Variants in ZNF714 observed in about 807,000 individuals in gnomAD.
ZNF714 encodes zinc finger protein 714.
Under a neutral mutation model 46.2 loss-of-function variants are expected in ZNF714, and 32 were observed. The observed-to-expected ratio is 0.69, with a 90% CI of 0.52 to 0.93. The LOEUF is 0.93. ZNF714 is among the 40% of genes least tolerant of loss of function. The probability of loss-of-function intolerance (pLI) is 0.00; values close to 1 mark genes in which losing one functional copy is unlikely to be tolerated. For missense variants in ZNF714, 635 were observed against 646.3 expected, an observed-to-expected ratio of 0.98 and a Z score of 0.19; for synonymous variants, 199 against 213.1, an observed-to-expected ratio of 0.93 and a Z score of 0.58.
intron 2 of ZNF714, among the ~76,000 whole-genome samples, chr19:21,090,517 G>A (rs1968884782): frequency 6.6e-6 from 1 of 152,186 alleles, no homozygotes. Flanking sequence ...AGTTCTTGCT[G>A]AGATGGATTT....
chr19:21,107,787 G>A (rs1969358028), intron 4 of ZNF714, among the ~76,000 whole-genome samples: 1 of 152,120 alleles, frequency 6.6e-6, no homozygotes, highest in Non-Finnish European at 1.5e-5. Context: ...CTTCCTAAAT[G>A]CTAGTATTGG....
chr19:21,103,737 A>T (rs1969242747), intron 4 of ZNF714, among the ~76,000 whole-genome samples: 1 of 151,944 alleles, frequency 6.6e-6, no homozygotes. Context: ...CTCTACAAAA[A>T]TTTTTTAAAA....
intron 4 of ZNF714, among the ~76,000 whole-genome samples, chr19:21,112,884 G>A (rs565923693): frequency 8.5e-5 from 11 of 130,064 alleles, no homozygotes; most frequent in East Asian, 2.4e-4. Flanking sequence ...GTGCAGTGGC[G>A]CGATCTCGGC....
chr19:21,088,791 G>T (rs1297693618), intron 2 of ZNF714, among the ~76,000 whole-genome samples: 1 of 152,166 alleles, frequency 6.6e-6, no homozygotes, highest in Non-Finnish European at 1.5e-5. Flanking sequence ...CCACGACCAG[G>T]AAAGCATGTA....
rs559381425 is a variant in ZNF714 at position 21,101,566 on chromosome 19, T to TC, written c.142+2658dup. On this transcript the variant is annotated intron_variant, in intron 4 of 4. Transcript: ENST00000456283. ...CTTTCACTGAGTACCAGAGAGGATT[T>TC]CCTCAGGTCACTGTGTGAGTTTCTA... Among the ~76,000 whole-genome samples the TC allele has an allele frequency of 1.2e-3, 179 of 152,288 alleles. 2 individuals are homozygous for TC. The highest frequency in any genetic ancestry group is 5.8e-4 in the East Asian group (3 of 5,186).
intron 1 of ZNF714, 68 bp downstream of exon 1, chr19:21,082,416 G>A (rs1968673124): frequency 7.1e-7 from 1 of 1,412,232 alleles, no homozygotes; most frequent in East Asian, 3.5e-5. Flanking sequence ...GGAAGTGGCT[G>A]TGGTGGGACT....
rs567986512 is a variant in ZNF714 at position 21,085,221 on chromosome 19, C to G, written c.-85+1152C>G. Among the ~76,000 whole-genome samples the G allele has an allele frequency of 2.0e-5, 3 of 152,128 alleles. No homozygotes were observed. In the East Asian group the frequency reaches 5.8e-4, roughly 29 times the overall value. On this transcript the variant is annotated intron_variant, in intron 2 of 4. Coordinates refer to ENST00000456283, the MANE Select transcript of ZNF714 (RefSeq NM_182515.4). ...ATGTGGTAGATAATTGGTGAGTAAACATAGATTCATGAAAACATCAGTTGC... is the reference window on the plus strand; with the variant it reads ...ATGTGGTAGATAATTGGTGAGTAAAGATAGATTCATGAAAACATCAGTTGC...
At chr19:21,098,413 T>A (rs1599537634) in intron 3 of ZNF714, 102 bp downstream of exon 3, 1 of 1,385,428 alleles carries the variant, frequency 7.2e-7, no homozygotes, top group Non-Finnish European at 9.9e-7. Flanking sequence ...TATAAATGAG[T>A]TTCTGATCCC....
intron 4 of ZNF714, among the ~76,000 whole-genome samples, chr19:21,109,071 A>G (rs971560797): frequency 4.7e-5 from 7 of 148,080 alleles, no homozygotes; most frequent in East Asian, 4.0e-4. Flanking sequence ...ACCTCATCCA[A>G]TTGTGGTTAC....
chr19:21,102,279 C>T (rs1969199711), intron 4 of ZNF714, among the ~76,000 whole-genome samples: 1 of 152,122 alleles, frequency 6.6e-6, no homozygotes, highest in African/African-American at 2.4e-5. Context: ...GGACAATATG[C>T]TAGAATTTAC....
intron 2 of ZNF714, among the ~76,000 whole-genome samples, chr19:21,097,962 A>G (rs1165217559): frequency 1.3e-5 from 2 of 152,226 alleles, no homozygotes; most frequent in Admixed American, 1.3e-4. Context: ...ATCATCCAGA[A>G]AAGTATTATA....
chr19:21,107,685 T>C (rs1969356057), intron 4 of ZNF714, among the ~76,000 whole-genome samples: 1 of 152,200 alleles, frequency 6.6e-6, no homozygotes, highest in African/African-American at 2.4e-5. Context: ...GAGTGTCTTT[T>C]ATTTTTATTT....
intron 4 of ZNF714, 49 bp downstream of exon 4, chr19:21,098,959 T>TAA (rs34494287): frequency 0.017 from 11,569 of 677,574 alleles, 55 homozygotes; most frequent in East Asian, 0.053. Context: ...GGTACAAAGG[T>TAA]AAAAAAAAAA....
rs561528390 is a variant in ZNF714 at position 21,096,953 on chromosome 19, G to A, written c.-84-1232G>A. Among the ~76,000 whole-genome samples the A allele has an allele frequency of 4.6e-5, 7 of 152,126 alleles. No homozygotes were observed. The South Asian group carries it at 1.0e-3, about 23-fold the overall frequency. ...GCAATCTCAGCTCACTGCAAGCTCC[G>A]CCTCCTGGGTTCATGCTTTTCTCCT... On this transcript the variant is annotated intron_variant, in intron 2 of 4. Transcript: ENST00000456283.
chr19:21,084,234 G>GA (rs909314546), intron 2 of ZNF714, among the ~76,000 whole-genome samples, 165 bp downstream of exon 2: 41 of 147,256 alleles, frequency 2.8e-4, no homozygotes, highest in African/African-American at 4.2e-4. Context: ...GACCAAAAAA[G>GA]AAAAAAAAAA....
rs1233302894 is a variant in ZNF714, at chr19:21,119,031, T to TGTTC, written c.*700_*703dup. 2.6e-6 allele frequency: 1 copy of TGTTC among 384,534 alleles called. No individual in the cohort carries two copies. The highest frequency in any genetic ancestry group is 5.0e-6 in the Non-Finnish European group (1 of 198,056). 23.8% of individuals were successfully genotyped at this position (384,534 alleles called of 1,614,324 possible). On this transcript the variant is annotated 3_prime_UTR_variant, in exon 5 of 5. Transcript: ENST00000456283. The stretch of plus-strand genomic sequence containing the variant: ...AAAGACTGAAAAAGCCATTAATATA[T>TGTTC]GTTCATATCTCAACACCAGATAGTT...
At chr19:21,089,759 A>C (rs1205270178) in intron 2 of ZNF714, among the ~76,000 whole-genome samples, 4 of 151,734 alleles carry the variant, frequency 2.6e-5, no homozygotes, top group Middle Eastern at 3.2e-3. Flanking sequence ...AGTACAACAG[A>C]TTTGTTACAG....
intron 2 of ZNF714, chr19:21,091,392 T>C (rs1968905510): frequency 6.6e-6 from 1 of 152,204 alleles, no homozygotes; most frequent in African/African-American, 2.4e-5. Context: ...ATGCTGACCT[T>C]CTATCTCACC....
At chr19:21,114,447 A>AG (rs1414022487) in intron 4 of ZNF714, among the ~76,000 whole-genome samples, 3 of 151,322 alleles carry the variant, frequency 2.0e-5, no homozygotes, top group Non-Finnish European at 3.0e-5. Context: ...AAAAAAAAAA[A>AG]AAAAGAAACT....
Sources: allele counts gnomAD v4.1 joint callset (sites outside exome capture counted in the v4.1 genomes callset), GRCh38; gene constraint gnomAD v4.1.1; transcripts MANE v1.5; gene names NCBI Gene and HGNC (gene_info 2026-07-23, HGNC 2026-07-21).